The following ATP10B variants were observed in gnomAD, a reference collection of about 807,000 sequenced individuals.
The protein encoded by ATP10B is ATPase phospholipid transporting 10B (putative), also known as phospholipid-transporting ATPase VB.
In ATP10B, 122 loss-of-function variants were observed where a neutral mutation model predicts 141.2. The ratio of observed to expected loss-of-function variants is 0.86; its 90% confidence interval spans 0.75 to 1.00. ATP10B has a LOEUF of 1.00. ATP10B is among the 50% of genes least tolerant of loss of function. The pLI, the probability that ATP10B is intolerant of heterozygous loss-of-function variation, is 0.00. For synonymous variants in ATP10B, 685 were observed against 692.0 expected, an observed-to-expected ratio of 0.99 and a Z score of 0.16; for missense variants, 1,876 against 1,825.3, an observed-to-expected ratio of 1.03 and a Z score of -0.51.
Position 160,653,905 on chromosome 5 carries a change from C to A in ATP10B, c.676-4649G>T, listed in dbSNP as rs1358647475. Among the ~76,000 whole-genome samples the A allele has an allele frequency of 1.6e-4, 5 of 31,592 alleles. 2 individuals carry two copies. The highest frequency in any genetic ancestry group is 6.0e-4 in the Admixed American group (1 of 1,678). 20.7% of individuals were successfully genotyped at this position (31,592 alleles called of 152,430 possible). The stretch of plus-strand genomic sequence containing the variant: ...CATATATAAATATATGTAGTATATA[C>A]GTATATACATATATAAATATGTTGT... On this transcript the variant is annotated intron_variant, in intron 7 of 25. Coordinates refer to ENST00000327245, the MANE Select transcript of ATP10B (RefSeq NM_025153.3).
At position 160,563,572 on chromosome 5, in the gene ATP10B, C is replaced by T. The variant is rs751953975; in HGVS notation, c.*1881G>A. On this transcript the variant is annotated 3_prime_UTR_variant, in exon 26 of 26. Coordinates refer to ENST00000327245, the MANE Select transcript of ATP10B (RefSeq NM_025153.3). ...TTACAGCTTTCAGAGGCTTTTTTAC[C>T]ACTGGGTTTCATGTAATTTTGACTT... 2.0e-5 allele frequency: 3 copies of T among 151,996 alleles called. No homozygotes were observed. The highest frequency in any genetic ancestry group is 4.4e-5 in the Non-Finnish European group (3 of 67,992). The allele number at this position is 151,996 out of a possible 1,614,324, so 9.4% of individuals were successfully genotyped here.
At chr5:160,594,975 A>G (rs1210166926) in intron 22 of ATP10B, among the ~76,000 whole-genome samples, 1 of 152,202 alleles carries the variant, frequency 6.6e-6, no homozygotes, top group Non-Finnish European at 1.5e-5. Flanking sequence ...TCAACATTAG[A>G]CAGATCAATG....
the ATP10B span, among the ~76,000 whole-genome samples, chr5:160,915,001 G>T: frequency 6.6e-6 from 1 of 152,262 alleles, no homozygotes; most frequent in Admixed American, 6.5e-5. Flanking sequence ...CTAGTTTAGG[G>T]GCTTAGAAGT....
chr5:160,775,969 A>G (rs1057133353), intron 2 of ATP10B, among the ~76,000 whole-genome samples: 6 of 152,196 alleles, frequency 3.9e-5, no homozygotes, highest in African/African-American at 1.2e-4. Context: ...TAAAAAGGAG[A>G]TAATCATTGT....
At chr5:160,891,438 T>C in the ATP10B span, among the ~76,000 whole-genome samples, 9 of 152,264 alleles carry the variant, frequency 5.9e-5, no homozygotes, top group South Asian at 1.9e-3. Context: ...GTAAGCTCCA[T>C]GGAGGAAACA....
In ATP10B at chr5:160,569,682, G is replaced by A. The variant is rs939247149; in HGVS notation, c.3752C>T (p.Thr1251Ile). 1 of 1,562,086 alleles carries A rather than the reference G, an allele frequency of 6.4e-7. No individual in the cohort carries two copies. The highest frequency in any genetic ancestry group is 1.4e-5 in the African/African-American group (1 of 72,898). ...LHQAMEMKTW[T>I]IFHGVVLLGS... ...GAGGAGCACGACTCCGTGGAAAATG[G>A]TCTGTGGAGGGAAATAAGCAAACAC... is the stretch of plus-strand genomic sequence containing the variant. Residue 1251 changes from threonine (T) to isoleucine (I), a missense_variant and splice_region_variant, in exon 25 of 26, where the codon ACC becomes ATC. Thr to Ile is a moderately conservative substitution (Grantham distance 89). Transcript: ENST00000327245.
the ATP10B span, among the ~76,000 whole-genome samples, chr5:160,911,660 A>G: frequency 6.6e-6 from 1 of 152,216 alleles, no homozygotes; most frequent in Admixed American, 6.5e-5. Flanking sequence ...GTCCTAAGAA[A>G]TGAGAGATGT....
chr5:160,818,749 C>G (rs1773877084), intron 1 of ATP10B, among the ~76,000 whole-genome samples: 1 of 152,158 alleles, frequency 6.6e-6, no homozygotes, highest in African/African-American at 2.4e-5. Flanking sequence ...GGAACCAACC[C>G]AAATGCCCAA....
At chr5:160,911,990 G>A in the ATP10B span, among the ~76,000 whole-genome samples, 1 of 152,140 alleles carries the variant, frequency 6.6e-6, no homozygotes, top group African/African-American at 2.4e-5. Context: ...TAAACACTTT[G>A]CTATGTGTAA....
At chr5:160,673,538 T>G (rs2033460) in intron 6 of ATP10B, among the ~76,000 whole-genome samples, 1,409 of 31,008 alleles carry the variant, frequency 0.045, 23 homozygotes, top group African/African-American at 0.17. Context: ...GTTTTGTTTT[T>G]TTTTTTTTTT....
intron 1 of ATP10B, among the ~76,000 whole-genome samples, chr5:160,846,658 C>T (rs957214004): frequency 9.2e-5 from 14 of 152,084 alleles, no homozygotes; most frequent in African/African-American, 3.4e-4. Context: ...TTAGTAGGTA[C>T]CACCACAAAA....
the ATP10B span, among the ~76,000 whole-genome samples, chr5:160,872,795 A>G: frequency 3.3e-5 from 5 of 152,146 alleles, no homozygotes; most frequent in African/African-American, 1.2e-4. Flanking sequence ...GTATAGTTTG[A>G]TATCAGGTAA....
At position 160,739,492 on chromosome 5, in the gene ATP10B, T is replaced by C. The variant is rs570730548; in HGVS notation, c.-330-22458A>G. Among the ~76,000 whole-genome samples, 14 of 152,306 alleles carry C rather than the reference T, an allele frequency of 9.2e-5. No individual in the cohort carries two copies. In the South Asian group the frequency reaches 2.7e-3, roughly 29 times the overall value. Reference sequence around the variant, plus strand: ...TACAAAGTCAGTATATAAAAGTCAATTGCATTTCTATATATGAGCAATGGG... The same window carrying C: ...TACAAAGTCAGTATATAAAAGTCAACTGCATTTCTATATATGAGCAATGGG... On this transcript the variant is annotated intron_variant, in intron 2 of 25. Transcript: ENST00000327245.
intron 25 of ATP10B, 145 bp from the exon 26 acceptor site, chr5:160,566,045 A>G: frequency 1.4e-6 from 1 of 710,382 alleles, no homozygotes; most frequent in East Asian, 2.7e-5. Flanking sequence ...GGGCACCTCT[A>G]GTCTTGGGTA....
intron 2 of ATP10B, among the ~76,000 whole-genome samples, chr5:160,772,937 C>G (rs2127860165): frequency 6.6e-6 from 1 of 152,278 alleles, no homozygotes; most frequent in Middle Eastern, 3.4e-3. Context: ...ATGGAAAAAC[C>G]AGGACTGTAT....
chr5:160,779,809 A>G (rs1457468781), intron 2 of ATP10B, among the ~76,000 whole-genome samples: 1 of 152,194 alleles, frequency 6.6e-6, no homozygotes, highest in Non-Finnish European at 1.5e-5. Flanking sequence ...GCTTGCAAGT[A>G]CTTAACAATG....
the ATP10B span, among the ~76,000 whole-genome samples, chr5:160,915,731 C>A: frequency 2.0e-5 from 3 of 152,120 alleles, no homozygotes; most frequent in African/African-American, 7.2e-5. Context: ...ACATGATGTT[C>A]TCTGGAGCTG....
intron 8 of ATP10B, among the ~76,000 whole-genome samples, chr5:160,646,188 C>T (rs963744432): frequency 6.6e-6 from 1 of 152,170 alleles, no homozygotes; most frequent in African/African-American, 2.4e-5. Context: ...ACCCACCCTA[C>T]TGAGATTTTC....
chr5:160,883,144 C>T, the ATP10B span, among the ~76,000 whole-genome samples: 1,118 of 152,234 alleles, frequency 7.3e-3, 15 homozygotes, highest in African/African-American at 0.022. Context: ...TTACTAAATA[C>T]TCAGGAATAG....
Sources: allele counts gnomAD v4.1 joint callset (sites outside exome capture counted in the v4.1 genomes callset), GRCh38; gene constraint gnomAD v4.1.1; transcripts MANE v1.5; gene names NCBI Gene and HGNC (gene_info 2026-07-23, HGNC 2026-07-21).